Variants in SGCD observed in about 807,000 individuals in gnomAD.
SGCD encodes the protein sarcoglycan delta, also known as delta-sarcoglycan.
SGCD carries 18 observed loss-of-function variants against 36.6 expected under a neutral mutation model. That is an observed-to-expected ratio of 0.49 (90% CI 0.34 to 0.73). The LOEUF (loss-of-function observed/expected upper bound fraction) is 0.73. Ranked by LOEUF, SGCD falls within the 30% of genes least tolerant of loss-of-function variation. The pLI is 0.01. For missense variants in SGCD, 387 were observed against 346.7 expected (o/e 1.12, Z -0.92); for synonymous variants, 133 against 130.6 (o/e 1.02, Z -0.12).
intron 1 of SGCD, among the ~76,000 whole-genome samples, chr5:155,993,212 G>A (rs377333852): frequency 2.6e-4 from 39 of 151,838 alleles, no homozygotes; most frequent in Non-Finnish European, 5.4e-4. Flanking sequence ...CATGGCCCCC[G>A]TCCCCCTGCA....
At chr5:156,652,120 T>C (rs1388178819) in intron 7 of SGCD, among the ~76,000 whole-genome samples, 1 of 152,104 alleles carries the variant, frequency 6.6e-6, no homozygotes, top group Non-Finnish European at 1.5e-5. Flanking sequence ...ATTTTATTTA[T>C]CTTTATTGAA....
chr5:156,253,055 C>T (rs1765622806), intron 3 of SGCD, among the ~76,000 whole-genome samples: 1 of 152,198 alleles, frequency 6.6e-6, no homozygotes, highest in South Asian at 2.1e-4. Context: ...ACCCATACAA[C>T]TACTTTAATT....
intron 6 of SGCD, among the ~76,000 whole-genome samples, chr5:156,623,732 T>A (rs890086187): frequency 6.6e-6 from 1 of 152,152 alleles, no homozygotes; most frequent in Admixed American, 6.5e-5. Context: ...ATATGCAGGG[T>A]GCCTATGAGC....
chr5:156,053,631 G>C (rs1258785970), intron 1 of SGCD, among the ~76,000 whole-genome samples: 1 of 146,364 alleles, frequency 6.8e-6, no homozygotes, highest in African/African-American at 2.5e-5. Context: ...TATGAAGCCA[G>C]CCTTAACTTT....
chr5:156,029,206 G>A (rs79682617), intron 1 of SGCD, among the ~76,000 whole-genome samples: 1 of 152,118 alleles, frequency 6.6e-6, no homozygotes, highest in Admixed American at 6.6e-5. Flanking sequence ...CACAGGTTCT[G>A]TCTAATGGAT....
chr5:156,296,060 C>T (rs1448031320), intron 3 of SGCD, among the ~76,000 whole-genome samples: 1 of 152,176 alleles, frequency 6.6e-6, no homozygotes, highest in Non-Finnish European at 1.5e-5. Flanking sequence ...GGGTCTAAGG[C>T]ATTGCTCAAA....
At chr5:155,815,841 G>T in the SGCD span, among the ~76,000 whole-genome samples, 1 of 151,854 alleles carries the variant, frequency 6.6e-6, no homozygotes, top group African/African-American at 2.4e-5. Flanking sequence ...GATTTGAGGG[G>T]ACCCAAATCT....
At chr5:156,308,624 G>C (rs766810394) in intron 3 of SGCD, among the ~76,000 whole-genome samples, 7 of 152,068 alleles carry the variant, frequency 4.6e-5, no homozygotes, top group Non-Finnish European at 1.0e-4. Context: ...TAAACAATCA[G>C]CTGTCATGAG....
At chr5:156,736,069 C>T (rs1198121966) in intron 7 of SGCD, among the ~76,000 whole-genome samples, 1 of 152,068 alleles carries the variant, frequency 6.6e-6, no homozygotes, top group Non-Finnish European at 1.5e-5. Context: ...CATTCTGCTC[C>T]CAGATGGGCC....
intron 3 of SGCD, among the ~76,000 whole-genome samples, chr5:156,177,767 G>A (rs111503225): frequency 0.017 from 2,592 of 152,172 alleles, 79 homozygotes; most frequent in African/African-American, 0.059. Flanking sequence ...TACAAAACCA[G>A]GGATCTAATT....
chr5:156,145,155 G>T (rs138423728), intron 3 of SGCD, among the ~76,000 whole-genome samples: 71 of 152,256 alleles, frequency 4.7e-4, no homozygotes, highest in Non-Finnish European at 8.5e-4. Context: ...GAATGATTTA[G>T]CACCATCACC....
chr5:156,340,745 C>T (rs1350114046), intron 2 of SGCD, among the ~76,000 whole-genome samples: 8 of 152,138 alleles, frequency 5.3e-5, no homozygotes, highest in Non-Finnish European at 7.3e-5. Flanking sequence ...GAGGAATTAA[C>T]GTTTTAACTT....
intron 6 of SGCD, among the ~76,000 whole-genome samples, chr5:156,642,831 C>T (rs1763086740): frequency 1.3e-5 from 2 of 152,196 alleles, no homozygotes; most frequent in Middle Eastern, 3.4e-3. Flanking sequence ...TCTACTGCTA[C>T]ATTCAGCTCT....
At chr5:155,780,420 G>A in the SGCD span, among the ~76,000 whole-genome samples, 10 of 152,214 alleles carry the variant, frequency 6.6e-5, 1 homozygote, top group Admixed American at 2.6e-4. Flanking sequence ...TCTCTGTAGC[G>A]GAACTCCTGT....
At chr5:156,072,286 G>A (rs1224073936) in intron 1 of SGCD, among the ~76,000 whole-genome samples, 2 of 152,004 alleles carry the variant, frequency 1.3e-5, no homozygotes, top group Admixed American at 6.6e-5. Context: ...TCCTTTCCAT[G>A]TTTAGTGCTT....
the SGCD span, among the ~76,000 whole-genome samples, chr5:155,820,607 G>T: frequency 6.6e-6 from 1 of 152,180 alleles, no homozygotes; most frequent in Non-Finnish European, 1.5e-5. Flanking sequence ...TGAGGTGGGA[G>T]GATAGCTTGA....
At chr5:156,165,591 T>C (rs1298379785) in intron 3 of SGCD, among the ~76,000 whole-genome samples, 5 of 152,228 alleles carry the variant, frequency 3.3e-5, no homozygotes, top group Admixed American at 3.3e-4. Context: ...TTGATTTTTC[T>C]AGTTGAATCC....
intron 4 of SGCD, among the ~76,000 whole-genome samples, chr5:156,529,423 CAAAAAAAAA>C (rs397884521): frequency 2.7e-4 from 16 of 59,146 alleles, no homozygotes; most frequent in Non-Finnish European, 4.3e-4. Context: ...GACTCTGTCT[CAAAAAAAAA>C]AAAAAAAAAA....
At chr5:156,157,576 A>C in intron 3 of SGCD, among the ~76,000 whole-genome samples, 1 of 151,856 alleles carries the variant, frequency 6.6e-6, no homozygotes, top group East Asian at 1.9e-4. Context: ...TCAAGGGGGG[A>C]AAATATTTTT....
Sources: gnomAD v4.1 joint callset for allele counts (sites outside exome capture counted in the v4.1 genomes callset) on GRCh38, gnomAD v4.1.1 for gene constraint, MANE v1.5 for transcripts, NCBI Gene and HGNC (gene_info 2026-07-23, HGNC 2026-07-21) for gene names.